Variants in PTPRU observed in about 807,000 individuals in gnomAD.
PTPRU encodes receptor-type tyrosine-protein phosphatase U.
PTPRU carries 69 observed loss-of-function variants against 166.3 expected under a neutral mutation model. The ratio of observed to expected loss-of-function variants is 0.41; its 90% CI spans 0.34 to 0.51. The LOEUF is 0.51. Among genes scored for constraint, PTPRU ranks in the 20% least tolerant of loss-of-function variants. The probability of loss-of-function intolerance (pLI) is 0.09; values close to 1 mark genes in which losing one functional copy is unlikely to be tolerated. For missense variants in PTPRU, 1,657 were observed against 2,013.7 expected (o/e 0.82, Z 3.39); for synonymous variants, 793 against 814.0 (o/e 0.97, Z 0.44).
intron 13 of PTPRU, 127 bp from the exon 14 acceptor site, chr1:29,284,603 AG>A (rs1379092012): frequency 1.5e-6 from 2 of 1,313,296 alleles, no homozygotes; most frequent in East Asian, 4.6e-5. Flanking sequence ...CTCAAAAGGC[AG>A]GACACACATT....
At chr1:29,242,088 C>T (rs1684085292) in intron 1 of PTPRU, among the ~76,000 whole-genome samples, 1 of 152,060 alleles carries the variant, frequency 6.6e-6, no homozygotes, top group South Asian at 2.1e-4. Flanking sequence ...GATGGGGTTT[C>T]ACCATGTTGG....
intron 1 of PTPRU, among the ~76,000 whole-genome samples, chr1:29,240,240 G>T (rs1395940342): frequency 6.6e-6 from 1 of 151,986 alleles, no homozygotes; most frequent in Non-Finnish European, 1.5e-5. Context: ...CGGGGGGTGG[G>T]GGTCAATTGG....
intron 1 of PTPRU, among the ~76,000 whole-genome samples, chr1:29,251,994 C>T (rs1204946892): frequency 6.6e-6 from 1 of 152,202 alleles, no homozygotes; most frequent in African/African-American, 2.4e-5. Flanking sequence ...TCTTTTTCTA[C>T]AGGGGAAGCT....
At chr1:29,325,432 T>C (rs1289659749) in intron 29 of PTPRU, 106 bp downstream of exon 29, 2 of 1,523,168 alleles carry the variant, frequency 1.3e-6, no homozygotes, top group African/African-American at 2.7e-5. Context: ...CACTGGGCCT[T>C]GGTTCTAGCC....
In PTPRU at chr1:29,275,541, G is replaced by A. The variant is rs775138343; in HGVS notation, c.1238G>A (p.Arg413His). The change falls in exon 8 of 30, where the codon CGT becomes CAT. Residue 413 changes from arginine to histidine, a missense_variant. Coordinates refer to ENST00000373779, the MANE Select transcript of PTPRU (RefSeq NM_133178.4). ...GAACCACTGGGCTACAACGTGACGC[G>A]TTGCCACACCTATACTGTGTCGCTG... ...QWEPLGYNVT[R>H]CHTYTVSLCY... 4 of 1,614,152 alleles carry A rather than the reference G, an allele frequency of 2.5e-6. No homozygotes were observed. The highest frequency in any genetic ancestry group is 1.1e-5 in the South Asian group (1 of 91,080).
At chr1:29,242,462 G>T (rs1684102147) in intron 1 of PTPRU, among the ~76,000 whole-genome samples, 1 of 152,174 alleles carries the variant, frequency 6.6e-6, no homozygotes, top group African/African-American at 2.4e-5. Flanking sequence ...AACCTTCTGT[G>T]GTGATGGAAA....
At chr1:29,301,441 A>G (rs574513933) in intron 15 of PTPRU, among the ~76,000 whole-genome samples, 43 of 152,330 alleles carry the variant, frequency 2.8e-4, no homozygotes, top group Non-Finnish European at 5.4e-4. Flanking sequence ...CATAATAGTT[A>G]ATGATGACTG....
chr1:29,307,777 T>G (rs1185372288), intron 18 of PTPRU, among the ~76,000 whole-genome samples: 2 of 128,144 alleles, frequency 1.6e-5, no homozygotes, highest in African/African-American at 5.4e-5. Flanking sequence ...TTTTTTTTTT[T>G]GAGGTGGAGT....
At chr1:29,322,867 T>C (rs1281785592) in intron 26 of PTPRU, among the ~76,000 whole-genome samples, 1 of 151,892 alleles carries the variant, frequency 6.6e-6, no homozygotes, top group African/African-American at 2.4e-5. Context: ...GAGGGGGTTG[T>C]ATTTAGGACC....
chr1:29,262,479 G>C (rs1376143948), intron 7 of PTPRU, among the ~76,000 whole-genome samples: 1 of 152,210 alleles, frequency 6.6e-6, no homozygotes, highest in Non-Finnish European at 1.5e-5. Context: ...TATTTTGAGA[G>C]AGAGAGACAG....
chr1:29,247,087 C>A (rs1008643883), intron 1 of PTPRU, among the ~76,000 whole-genome samples: 1 of 152,244 alleles, frequency 6.6e-6, no homozygotes, highest in African/African-American at 2.4e-5. Flanking sequence ...CCTTATCTCT[C>A]TGTTGTTCTG....
At chr1:29,310,858 C>A in intron 19 of PTPRU, 78 bp downstream of exon 19, 1 of 1,503,242 alleles carries the variant, frequency 6.7e-7, no homozygotes, top group Non-Finnish European at 9.3e-7. Context: ...TGCCTTTCTG[C>A]CTCCCCTGCT....
chr1:29,307,749 CTTTTTTTT>C (rs201782011), intron 18 of PTPRU, among the ~76,000 whole-genome samples: 1 of 117,246 alleles, frequency 8.5e-6, no homozygotes, highest in South Asian at 2.7e-4. Context: ...AAATATTATG[CTTTTTTTT>C]TTTTTTTTTT....
intron 29 of PTPRU, 134 bp from the exon 30 acceptor site, chr1:29,325,465 C>A (rs1688368487): frequency 2.0e-6 from 3 of 1,504,642 alleles, no homozygotes; most frequent in Non-Finnish European, 2.8e-6. Flanking sequence ...AACATTACCC[C>A]CATTTCTCCC....
intron 15 of PTPRU, among the ~76,000 whole-genome samples, chr1:29,297,265 G>A (rs1229299573): frequency 6.6e-6 from 1 of 151,878 alleles, no homozygotes; most frequent in Non-Finnish European, 1.5e-5. Context: ...ATGTTGGCCA[G>A]GCTGGTCTCG....
chr1:29,307,065 A>G, intron 18 of PTPRU: 2 of 1,573,596 alleles, frequency 1.3e-6, no homozygotes, highest in Non-Finnish European at 1.7e-6. Flanking sequence ...GTCCACCTCC[A>G]TCTGCCCCTG....
chr1:29,303,788 GTC>G (rs1235499983), intron 15 of PTPRU, 65 bp from the exon 16 acceptor site: 42 of 1,461,318 alleles, frequency 2.9e-5, no homozygotes, highest in Non-Finnish European at 3.9e-5. Flanking sequence ...ATAGACCCCA[GTC>G]TCTCCAGGAC....
rs1158304499 is a variant in PTPRU at position 29,326,430 on chromosome 1, G to T, written c.*769G>T. ...TTCCTTTAATCTTCAGGCCTCACTGGCCTGTCCTGCTCAGCTTGGGCCAGT... is the reference window on the plus strand; with the variant it reads ...TTCCTTTAATCTTCAGGCCTCACTGTCCTGTCCTGCTCAGCTTGGGCCAGT... On this transcript the variant is annotated 3_prime_UTR_variant, in exon 30 of 30. Coordinates refer to ENST00000373779, the MANE Select transcript of PTPRU (RefSeq NM_133178.4). 2 of 152,724 alleles carry T rather than the reference G, an allele frequency of 1.3e-5. No homozygotes were observed. Among genetic ancestry groups the T allele is most frequent in the African/African-American group, 2.4e-5 (1 of 41,434 alleles). 9.5% of individuals were successfully genotyped at this position (152,724 alleles called of 1,614,324 possible).
chr1:29,273,336 A>G (rs1685655332), intron 7 of PTPRU, among the ~76,000 whole-genome samples: 1 of 151,900 alleles, frequency 6.6e-6, no homozygotes, highest in African/African-American at 2.4e-5. Flanking sequence ...TGGTGCGATC[A>G]TGGCTCACTG....
Sources: gnomAD v4.1 joint callset for allele counts (sites outside exome capture counted in the v4.1 genomes callset) on GRCh38, gnomAD v4.1.1 for gene constraint, MANE v1.5 for transcripts, NCBI Gene and HGNC (gene_info 2026-07-23, HGNC 2026-07-21) for gene names.